The following BIN3 variants were observed in gnomAD, a reference collection of about 807,000 sequenced individuals.
BIN3 encodes the protein bridging integrator 3.
In BIN3, 41 loss-of-function variants were observed where a neutral mutation model predicts 38.2. That is an observed-to-expected ratio of 1.07 (90% CI 0.84 to 1.39). BIN3 has a LOEUF of 1.39. BIN3 is among the 40% of genes most tolerant of loss of function. The pLI, the probability that BIN3 is intolerant of heterozygous loss-of-function variation, is 0.00. For missense variants in BIN3, 361 were observed against 324.3 expected, an observed-to-expected ratio of 1.11 and a Z score of -0.87; for synonymous variants, 145 against 122.6, an observed-to-expected ratio of 1.18 and a Z score of -1.21.
intron 6 of BIN3, 55 bp downstream of exon 6, chr8:22,629,909 T>C (rs6558171): frequency 0.72 from 1,087,709 of 1,511,682 alleles, 393,977 homozygotes; most frequent in South Asian, 0.82. Context: ...CCCAAGTGGC[T>C]GCTGACCTGC....
intron 1 of BIN3, among the ~76,000 whole-genome samples, chr8:22,657,352 A>C (rs1371420262): frequency 1.3e-5 from 2 of 152,222 alleles, no homozygotes; most frequent in Non-Finnish European, 2.9e-5. Flanking sequence ...GTAACCAAAA[A>C]ACAAAACAAA....
intron 1 of BIN3, among the ~76,000 whole-genome samples, chr8:22,647,337 G>C (rs994605987): frequency 1.3e-5 from 2 of 152,158 alleles, no homozygotes; most frequent in African/African-American, 4.8e-5. Flanking sequence ...TTTTAGAACT[G>C]TAAGTTACCA....
intron 3 of BIN3, 146 bp from the exon 4 acceptor site, chr8:22,636,732 C>A: frequency 9.9e-7 from 1 of 1,011,608 alleles, no homozygotes; most frequent in Non-Finnish European, 1.5e-6. Context: ...TGCCACTACA[C>A]CCAAAGGCTA....
At chr8:22,664,251 C>G (rs536147630) in intron 1 of BIN3, among the ~76,000 whole-genome samples, 1 of 152,358 alleles carries the variant, frequency 6.6e-6, no homozygotes, top group East Asian at 1.9e-4. Flanking sequence ...ACTCAAGACA[C>G]TTGACTCTTT....
intron 1 of BIN3, among the ~76,000 whole-genome samples, chr8:22,653,528 G>A (rs902231705): frequency 2.6e-4 from 40 of 152,246 alleles, no homozygotes; most frequent in African/African-American, 9.6e-4. Context: ...CAACTCAGGA[G>A]CCTGTGATTT....
intron 1 of BIN3, among the ~76,000 whole-genome samples, chr8:22,646,706 AG>A (rs1802724060): frequency 6.6e-6 from 1 of 152,220 alleles, no homozygotes; most frequent in African/African-American, 2.4e-5. Context: ...GGAAATGAAA[AG>A]GAAAGAAAAA....
At chr8:22,637,044 A>C in intron 2 of BIN3, 82 bp from the exon 3 acceptor site, 7 of 1,266,682 alleles carry the variant, frequency 5.5e-6, no homozygotes, top group Non-Finnish European at 6.8e-6. Flanking sequence ...AACTCTCTCC[A>C]CACCCTGCCC....
At chr8:22,649,828 C>T (rs1802827904) in intron 1 of BIN3, among the ~76,000 whole-genome samples, 1 of 113,188 alleles carries the variant, frequency 8.8e-6, no homozygotes, top group Admixed American at 9.4e-5. Flanking sequence ...CACACACACA[C>T]ACACACACAC....
At chr8:22,625,221 A>G (rs1341813941) in intron 6 of BIN3, 2 of 678,096 alleles carry the variant, frequency 2.9e-6, no homozygotes, top group Non-Finnish European at 5.4e-6. Context: ...TGTGTCCTCT[A>G]GTGACCAGGA....
intron 2 of BIN3, among the ~76,000 whole-genome samples, chr8:22,639,951 T>A (rs560478544): frequency 6.6e-6 from 1 of 151,298 alleles, no homozygotes; most frequent in African/African-American, 2.4e-5. Context: ...AACCTCCGCC[T>A]CCCGGGTTCA....
chr8:22,656,768 T>C (rs1563980905), intron 1 of BIN3, among the ~76,000 whole-genome samples: 1 of 152,264 alleles, frequency 6.6e-6, no homozygotes, highest in Non-Finnish European at 1.5e-5. Context: ...ATTCCACCAA[T>C]GCCTTTCACC....
At chr8:22,625,695 C>G (rs564901205) in intron 6 of BIN3, 55 of 344,968 alleles carry the variant, frequency 1.6e-4, no homozygotes, top group African/African-American at 1.1e-3. Context: ...TCCAGCAATT[C>G]TCATGCCTCA....
At chr8:22,658,786 G>A (rs1004383879) in intron 1 of BIN3, among the ~76,000 whole-genome samples, 25 of 152,210 alleles carry the variant, frequency 1.6e-4, no homozygotes, top group African/African-American at 6.0e-4. Context: ...AGTTTTGGGG[G>A]CGAGGGAGGT....
intron 1 of BIN3, among the ~76,000 whole-genome samples, chr8:22,662,181 C>G (rs183575225): frequency 6.6e-6 from 1 of 152,228 alleles, no homozygotes; most frequent in Non-Finnish European, 1.5e-5. Flanking sequence ...GCCCCTCACA[C>G]TCCTGGCATG....
chr8:22,669,021 C>T lies in BIN3; in HGVS notation c.8+23G>A, dbSNP rs754669322. The stretch of plus-strand genomic sequence containing the variant: ...TCGCGGGTCCGCGGGTCCAGCAGCT[C>T]CCGCCGCCTGGGCCTCACTCACCAG... On this transcript the variant is annotated intron_variant, in intron 1 of 8. Transcript: ENST00000276416. The T allele has an allele frequency of 3.8e-6, 6 of 1,574,392 alleles. No individual in the cohort carries two copies. The Admixed American group carries it at 5.5e-5, about 14-fold the overall frequency.
Position 22,621,446 on chromosome 8 carries a change from G to T in BIN3, c.738C>A (p.Ala246=). The part of the protein sequence containing the change: ...ENEAKLSELR[A]LSIVADD ...TTCAGTCATCGGCCACAATGGAGAG[G>T]GCCCGGAGCTCACTGAGTTTGGCCT... The change falls in exon 9 of 9, where the codon GCC becomes GCA. Residue 246 remains alanine (A), a synonymous_variant. Coordinates refer to ENST00000276416, the MANE Select transcript of BIN3 (RefSeq NM_018688.6). 6.2e-7 allele frequency: 1 copy of T among 1,613,632 alleles called. No homozygotes were observed. The highest frequency in any genetic ancestry group is 8.5e-7 in the Non-Finnish European group (1 of 1,179,790).
intron 2 of BIN3, among the ~76,000 whole-genome samples, chr8:22,639,968 T>C (rs1261403887): frequency 1.3e-5 from 2 of 152,036 alleles, no homozygotes; most frequent in African/African-American, 2.4e-5. Flanking sequence ...TTCAAGCGAT[T>C]CTCCTGCCTC....
intron 2 of BIN3, among the ~76,000 whole-genome samples, chr8:22,638,677 G>A (rs758510054): frequency 1.3e-5 from 2 of 152,190 alleles, no homozygotes; most frequent in Non-Finnish European, 2.9e-5. Context: ...TCACTGCATG[G>A]AGATAGCTTA....
intron 1 of BIN3, among the ~76,000 whole-genome samples, chr8:22,660,294 T>C (rs1050680250): frequency 6.6e-6 from 1 of 152,186 alleles, no homozygotes; most frequent in Admixed American, 6.5e-5. Flanking sequence ...AGAAAATGGG[T>C]TTGCATTTGG....
Sources: gnomAD v4.1 joint callset for allele counts (sites outside exome capture counted in the v4.1 genomes callset) on GRCh38, gnomAD v4.1.1 for gene constraint, MANE v1.5 for transcripts, NCBI Gene and HGNC (gene_info 2026-07-23, HGNC 2026-07-21) for gene names.